Variants in KALRN observed in about 807,000 individuals in gnomAD.
KALRN encodes kalirin.
A neutral mutation model predicts 353.7 loss-of-function variants in KALRN; 70 were observed. The observed-to-expected ratio is 0.20, with a 90% CI of 0.16 to 0.24. The LOEUF (loss-of-function observed/expected upper bound fraction) is 0.24, where lower values mean the gene tolerates loss of function less well. KALRN is among the 10% of genes least tolerant of loss of function. KALRN has a pLI of 1.00. For missense variants in KALRN, 2,791 were observed against 3,756.7 expected, an observed-to-expected ratio of 0.74 and a Z score of 6.72; for synonymous variants, 1,391 against 1,434.8, an observed-to-expected ratio of 0.97 and a Z score of 0.69.
intron 10 of KALRN, among the ~76,000 whole-genome samples, chr3:124,367,523 A>T (rs1242683396): frequency 1.3e-5 from 1 of 74,926 alleles, no homozygotes; most frequent in Non-Finnish European, 2.6e-5. Flanking sequence ...TGACCCCCCC[A>T]CCTCCCTCCC....
Position 124,228,041 on chromosome 3 carries a change from A to C in KALRN, c.125A>C (p.Lys42Thr). The change falls in exon 2 of 60, where the codon AAG becomes ACG. Residue 42 changes from lysine to threonine, a missense_variant. Coordinates refer to ENST00000682506, the MANE Select transcript of KALRN (RefSeq NM_001388419.1). ...GCTTCTGATGTCCTTCCTATCCTAA[A>C]GGAAAAGGTGGCCTTCGTGTCTGGT... ...LKASDVLPILKEKVAFVSGGR... is the reference protein window; with the variant it reads ...LKASDVLPILTEKVAFVSGGR... The C allele has an allele frequency of 6.2e-7, 1 of 1,614,044 alleles. No individual in the cohort carries two copies.
At chr3:124,045,749 TG>T (rs10576725) in intron 1 of KALRN, among the ~76,000 whole-genome samples, 19,917 of 140,704 alleles carry the variant, frequency 0.14, 1,728 homozygotes, top group East Asian at 0.32. Context: ...AACAGCCTAA[TG>T]GGGGGGGGGG....
chr3:124,252,342 A>C (rs1439257176), intron 3 of KALRN, among the ~76,000 whole-genome samples: 1 of 152,014 alleles, frequency 6.6e-6, no homozygotes, highest in Non-Finnish European at 1.5e-5. Context: ...AAAGCAAGTC[A>C]CTTCCCGCCT....
chr3:124,362,229 C>G (rs536821244), intron 10 of KALRN, among the ~76,000 whole-genome samples: 7 of 152,204 alleles, frequency 4.6e-5, no homozygotes, highest in Non-Finnish European at 1.0e-4. Context: ...ACAAGAGCAA[C>G]CCACCAGGCA....
intron 6 of KALRN, among the ~76,000 whole-genome samples, chr3:124,311,074 T>TTTTTTTTTTTTTG (rs2078212136): frequency 8.2e-6 from 1 of 121,632 alleles, no homozygotes; most frequent in Non-Finnish European, 1.9e-5. Context: ...CTTTTTTTTT[T>TTTTTTTTTTTTTG]TTTTTTTTTT....
chr3:124,171,289 GT>G (rs2150113910), intron 1 of KALRN, among the ~76,000 whole-genome samples: 1 of 152,322 alleles, frequency 6.6e-6, no homozygotes, highest in Non-Finnish European at 1.5e-5. Context: ...CTTACCTGGA[GT>G]CACTCATGTA....
At chr3:124,655,999 C>A (rs1374421289) in intron 39 of KALRN, among the ~76,000 whole-genome samples, 3 of 152,146 alleles carry the variant, frequency 2.0e-5, no homozygotes, top group Non-Finnish European at 4.4e-5. Context: ...GACATATATT[C>A]TTCAGAGCTA....
chr3:124,726,209 G>GTGA lies in KALRN; in HGVS notation c.*6743_*6745dup, dbSNP rs1439650915. On this transcript the variant is annotated 3_prime_UTR_variant, in exon 60 of 60. Coordinates refer to ENST00000682506, the MANE Select transcript of KALRN (RefSeq NM_001388419.1). ...AATCACTCATGTGTAATGTTGTAAA[G>GTGA]TGATGACCTGCTGTCTTGTTACTGC... 30 of 152,204 alleles carry GTGA rather than the reference G, an allele frequency of 2.0e-4. No homozygotes were observed. The highest frequency in any genetic ancestry group is 7.2e-4 in the African/African-American group (30 of 41,446). The allele number at this position is 152,204 out of a possible 1,614,324, so 9.4% of individuals were successfully genotyped here. A position where few individuals can be genotyped will look rare whatever the true frequency, so the allele number is the denominator to read the frequency against.
At chr3:124,681,362 G>A (rs186539318) in intron 51 of KALRN, among the ~76,000 whole-genome samples, 8 of 152,328 alleles carry the variant, frequency 5.3e-5, no homozygotes, top group African/African-American at 1.9e-4. Flanking sequence ...TGGGCTGAGT[G>A]AGATGGGTCC....
intron 33 of KALRN, among the ~76,000 whole-genome samples, chr3:124,506,279 A>AGG (rs2065216484): frequency 6.6e-6 from 1 of 152,076 alleles, no homozygotes; most frequent in African/African-American, 2.4e-5. Context: ...TCCTATTTTC[A>AGG]ACCAGACACT....
intron 4 of KALRN, among the ~76,000 whole-genome samples, chr3:124,265,298 CTT>C (rs3054177): frequency 1.6e-4 from 12 of 73,056 alleles, no homozygotes; most frequent in Admixed American, 1.8e-4. Context: ...AGAAAATATT[CTT>C]TTTTTTTTTT....
At chr3:124,467,709 G>T (rs921060737) in intron 25 of KALRN, among the ~76,000 whole-genome samples, 3 of 152,150 alleles carry the variant, frequency 2.0e-5, no homozygotes, top group African/African-American at 7.2e-5. Context: ...CAGGTAGGCT[G>T]GGTCTTCTCA....
At chr3:124,660,169 G>A (rs2084656071) in intron 43 of KALRN, among the ~76,000 whole-genome samples, 1 of 152,078 alleles carries the variant, frequency 6.6e-6, no homozygotes, top group Admixed American at 6.5e-5. Flanking sequence ...CTGGCCTCAA[G>A]CAGCCCTCCC....
At chr3:124,483,200 T>C (rs965566754) in intron 28 of KALRN, among the ~76,000 whole-genome samples, 2 of 152,256 alleles carry the variant, frequency 1.3e-5, no homozygotes, top group African/African-American at 4.8e-5. Flanking sequence ...GAGGCTTTCT[T>C]GTCCCTCCTT....
chr3:124,107,857 G>C (rs1049174840), intron 1 of KALRN, among the ~76,000 whole-genome samples: 7 of 152,172 alleles, frequency 4.6e-5, no homozygotes, highest in Non-Finnish European at 7.4e-5. Context: ...TCATAGGAAG[G>C]TCTTGAGGAC....
At chr3:124,561,636 T>C (rs936385981) in intron 33 of KALRN, among the ~76,000 whole-genome samples, 5 of 152,192 alleles carry the variant, frequency 3.3e-5, no homozygotes, top group African/African-American at 7.2e-5. Context: ...TGCACTAATA[T>C]GGCCACTGGT....
At chr3:124,170,041 T>C (rs1443156269) in intron 1 of KALRN, among the ~76,000 whole-genome samples, 1 of 152,204 alleles carries the variant, frequency 6.6e-6, no homozygotes, top group African/African-American at 2.4e-5. Flanking sequence ...TTCAGAGTTC[T>C]TTCCTCAGAA....
intron 24 of KALRN, 109 bp from the exon 25 acceptor site, chr3:124,462,415 G>A (rs989515970): frequency 1.5e-5 from 10 of 645,958 alleles, no homozygotes; most frequent in African/African-American, 3.6e-5. Context: ...AACTCTGCAC[G>A]CATTTACAGT....
chr3:124,683,237 G>A (rs1022250043), intron 51 of KALRN, among the ~76,000 whole-genome samples: 2 of 152,094 alleles, frequency 1.3e-5, no homozygotes, highest in African/African-American at 4.8e-5. Context: ...CTTTTGCAGG[G>A]CTGAGAACCA....
Sources: gnomAD v4.1 joint callset for allele counts (sites outside exome capture counted in the v4.1 genomes callset) on GRCh38, gnomAD v4.1.1 for gene constraint, MANE v1.5 for transcripts, NCBI Gene and HGNC (gene_info 2026-07-23, HGNC 2026-07-21) for gene names.